ZNF827: variants seen among roughly 807,000 people sequenced by gnomAD.
ZNF827 encodes the protein zinc finger protein 827.
In ZNF827, 13 loss-of-function variants were observed where a neutral mutation model predicts 102.4. The observed-to-expected ratio is 0.13, with a 90% confidence interval of 0.08 to 0.20. The LOEUF is 0.20. ZNF827 is among the 10% of genes least tolerant of loss of function. The pLI is 1.00. For synonymous variants in ZNF827, 523 were observed against 536.2 expected (o/e 0.98, Z 0.34); for missense variants, 1,103 against 1,344.4 (o/e 0.82, Z 2.81).
At chr4:145,808,543 T>C (rs958759764) in intron 8 of ZNF827, among the ~76,000 whole-genome samples, 11 of 152,188 alleles carry the variant, frequency 7.2e-5, no homozygotes, top group African/African-American at 2.2e-4. Flanking sequence ...AAAGCCCCGA[T>C]AGGAAAGAGG....
At chr4:145,887,228 G>A (rs1469822662) in intron 3 of ZNF827, among the ~76,000 whole-genome samples, 2 of 152,018 alleles carry the variant, frequency 1.3e-5, no homozygotes, top group Non-Finnish European at 2.9e-5. Context: ...TTTTAGGGGT[G>A]ACCTAAGCAG....
In ZNF827 at chr4:145,758,406, G is replaced by A. The variant is rs1383802798; in HGVS notation, c.*3210C>T. The A allele has an allele frequency of 6.6e-6, 1 of 152,098 alleles. No homozygotes were observed. The highest frequency in any genetic ancestry group is 2.4e-5 in the African/African-American group (1 of 41,412). The allele number at this position is 152,098 out of a possible 1,614,324, so 9.4% of individuals were successfully genotyped here. Reference sequence around the variant, plus strand: ...TAAAACCTATAGTCTGAATTGTCAGGGCCACCCTTTCAGGTTTTTAACCTG... The same window carrying A: ...TAAAACCTATAGTCTGAATTGTCAGAGCCACCCTTTCAGGTTTTTAACCTG... On this transcript the variant is annotated 3_prime_UTR_variant, in exon 15 of 15. Coordinates refer to ENST00000508784, the MANE Select transcript of ZNF827 (RefSeq NM_001306215.2).
At chr4:145,802,080 T>C (rs910096941) in intron 8 of ZNF827, among the ~76,000 whole-genome samples, 1 of 152,216 alleles carries the variant, frequency 6.6e-6, no homozygotes, top group Non-Finnish European at 1.5e-5. Flanking sequence ...GTTACCTGTA[T>C]CTGTGAAAGT....
At chr4:145,839,444 C>T (rs185057180) in intron 7 of ZNF827, 1 of 152,382 alleles carries the variant, frequency 6.6e-6, no homozygotes, top group East Asian at 1.9e-4. Context: ...ATTGAGCTTT[C>T]TGCTGAGGTG....
At chr4:145,900,737 C>T (rs1032933200) in intron 2 of ZNF827, among the ~76,000 whole-genome samples, 5 of 152,092 alleles carry the variant, frequency 3.3e-5, no homozygotes, top group African/African-American at 1.2e-4. Context: ...TACAGCCATA[C>T]CTCTCTTTCT....
chr4:145,792,865 A>T (rs551479460), intron 8 of ZNF827, among the ~76,000 whole-genome samples: 2 of 152,324 alleles, frequency 1.3e-5, no homozygotes, highest in South Asian at 4.1e-4. Context: ...GCTACAAATA[A>T]AACTAGAGAA....
intron 8 of ZNF827, among the ~76,000 whole-genome samples, chr4:145,806,823 T>G (rs921771012): frequency 6.6e-6 from 1 of 152,196 alleles, no homozygotes; most frequent in Non-Finnish European, 1.5e-5. Flanking sequence ...AGACCAATGA[T>G]GCAATGAGAC....
Position 145,765,624 on chromosome 4 carries a change from C to T in ZNF827, c.2975G>A (p.Gly992Asp). ...DDSDGSQKNK[G>D]GNNLLVISVM... ...AGAGATGACCAGCAGATTGTTCCCG[C>T]CCTTGTTTTTCTGGGAGCCATCTGA... Residue 992 changes from glycine to aspartate, a missense_variant, in exon 12 of 15, where the codon GGC (glycine) becomes GAC (aspartate). By Grantham distance (94) the Gly-to-Asp change is moderately conservative. Around this residue, in one of 5 missense-constraint regions of ZNF827, gnomAD observed 242 missense variants for 361.9 expected, o/e 0.67. Transcript: ENST00000508784. This position sits in a 1 kb window ranked among gnomAD's most constrained non-coding sequence, Gnocchi z 4.7. 3 of 1,614,106 alleles carry T rather than the reference C, an allele frequency of 1.9e-6. No individual in the cohort carries two copies. The highest frequency in any genetic ancestry group is 2.5e-6 in the Non-Finnish European group (3 of 1,180,026).
intron 8 of ZNF827, among the ~76,000 whole-genome samples, chr4:145,803,081 CCTAT>C (rs1313262076): frequency 2.6e-5 from 4 of 152,146 alleles, no homozygotes; most frequent in Non-Finnish European, 4.4e-5. Context: ...TTCCTTCCCT[CCTAT>C]CTGTCATCAC....
chr4:145,890,791 C>A (rs1365461773), intron 3 of ZNF827, among the ~76,000 whole-genome samples: 1 of 152,172 alleles, frequency 6.6e-6, no homozygotes, highest in Admixed American at 6.5e-5. Context: ...AAAACTAAGT[C>A]GGCTGAGTAA....
At chr4:145,787,892 C>T (rs897977923) in intron 8 of ZNF827, among the ~76,000 whole-genome samples, 2 of 152,102 alleles carry the variant, frequency 1.3e-5, no homozygotes, top group Non-Finnish European at 2.9e-5. Flanking sequence ...GTCAAGTAAC[C>T]GTTTCCACAG....
At chr4:145,865,060 C>A (rs185095542) in intron 5 of ZNF827, among the ~76,000 whole-genome samples, 1 of 152,288 alleles carries the variant, frequency 6.6e-6, no homozygotes, top group East Asian at 1.9e-4. Context: ...TTAGAAGAGT[C>A]TCCAACATGG....
intron 8 of ZNF827, among the ~76,000 whole-genome samples, chr4:145,807,809 A>AC (rs1197651403): frequency 2.6e-5 from 4 of 151,832 alleles, no homozygotes; most frequent in Admixed American, 2.0e-4. Context: ...ACAAAAAAAA[A>AC]ACAAAAAACA....
chr4:145,769,367 C>T (rs1264925304), intron 11 of ZNF827, among the ~76,000 whole-genome samples: 17 of 152,182 alleles, frequency 1.1e-4, no homozygotes, highest in Admixed American at 1.1e-3. Flanking sequence ...AGCGGAGACC[C>T]TGAATCCCTG....
At chr4:145,908,799 G>T (rs1444791242) in intron 1 of ZNF827, among the ~76,000 whole-genome samples, 2 of 152,184 alleles carry the variant, frequency 1.3e-5, no homozygotes, top group Non-Finnish European at 2.9e-5. Flanking sequence ...AGAAGAGTGA[G>T]GGTTTCACAA....
chr4:145,902,723 T>C lies in ZNF827; in HGVS notation c.536A>G (p.Gln179Arg). 6.2e-7 allele frequency: 1 copy of C among 1,614,112 alleles called. No individual in the cohort carries two copies. The highest frequency in any genetic ancestry group is 8.5e-7 in the Non-Finnish European group (1 of 1,180,032). Reference sequence around the variant, plus strand: ...GTTACTTGGAGTGTATTGGTCATTCTGTTCCTGCTTCTCGGCCAACTTCCT... The same window carrying C: ...GTTACTTGGAGTGTATTGGTCATTCCGTTCCTGCTTCTCGGCCAACTTCCT... ...LARKLAEKQE[Q>R]NDQYTPSNRF... The change falls in exon 2 of 15, where the codon CAG becomes CGG. Residue 179 changes from glutamine (Q) to arginine (R), a missense_variant. Transcript: ENST00000508784. This position sits in a 1 kb window ranked among gnomAD's most constrained non-coding sequence, Gnocchi z 4.3.
intron 1 of ZNF827, among the ~76,000 whole-genome samples, chr4:145,931,715 T>A (rs1259852264): frequency 6.6e-6 from 1 of 152,200 alleles, no homozygotes; most frequent in Non-Finnish European, 1.5e-5. Context: ...ACAGTGGATA[T>A]TTAAAAATGA....
chr4:145,883,828 T>C (rs1749883237), intron 4 of ZNF827, among the ~76,000 whole-genome samples: 1 of 151,952 alleles, frequency 6.6e-6, no homozygotes, highest in Admixed American at 6.6e-5. Context: ...GATTGCACTA[T>C]AAGGGCCCAT....
chr4:145,807,692 G>T (rs1190825044), intron 8 of ZNF827, among the ~76,000 whole-genome samples: 1 of 150,640 alleles, frequency 6.6e-6, no homozygotes, highest in Non-Finnish European at 1.5e-5. Context: ...GGCTGGTCTT[G>T]AACTCCTGAC....
Sources: allele counts gnomAD v4.1 joint callset (sites outside exome capture counted in the v4.1 genomes callset), GRCh38; gene constraint gnomAD v4.1.1; regional missense constraint gnomAD v4.1.1; non-coding constraint Gnocchi (gnomAD v3.1); transcripts MANE v1.5; gene names NCBI Gene and HGNC (gene_info 2026-07-23, HGNC 2026-07-21).